ARNT: variants seen among roughly 807,000 people sequenced by gnomAD.
ARNT encodes aryl hydrocarbon receptor nuclear translocator.
Under a neutral mutation model 105.0 loss-of-function variants are expected in ARNT, and 30 were observed. That is an observed-to-expected ratio of 0.29 (90% CI 0.21 to 0.39). The LOEUF (loss-of-function observed/expected upper bound fraction) is 0.39. ARNT is among the 10% of genes least tolerant of loss of function. The pLI is 1.00. For missense variants in ARNT, 748 were observed against 978.7 expected (o/e 0.76, Z 3.15); for synonymous variants, 304 against 344.0 (o/e 0.88, Z 1.29).
At chr1:150,863,047 T>G (rs2102364157) in intron 1 of ARNT, among the ~76,000 whole-genome samples, 1 of 127,640 alleles carries the variant, frequency 7.8e-6, no homozygotes, top group Non-Finnish European at 1.6e-5. Flanking sequence ...CAAGATTCCG[T>G]CTCAAAAAAA....
At chr1:150,832,990 C>A (rs1438876544) in intron 8 of ARNT, among the ~76,000 whole-genome samples, 1 of 152,210 alleles carries the variant, frequency 6.6e-6, no homozygotes, top group African/African-American at 2.4e-5. Context: ...TAATATGTGT[C>A]ATGCTCTGTT....
chr1:150,852,326 A>G (rs1218748626), intron 3 of ARNT, among the ~76,000 whole-genome samples: 2 of 152,168 alleles, frequency 1.3e-5, no homozygotes, highest in Non-Finnish European at 2.9e-5. Context: ...CCATCACCAC[A>G]TGAAAAAATT....
intron 1 of ARNT, among the ~76,000 whole-genome samples, chr1:150,867,204 TAAA>T (rs1328301944): frequency 7.8e-6 from 1 of 127,924 alleles, no homozygotes. Flanking sequence ...ACTCTGTCTT[TAAA>T]AAAAACAACA....
chr1:150,817,029 A>G, intron 17 of ARNT, 53 bp downstream of exon 17: 1 of 1,612,134 alleles, frequency 6.2e-7, no homozygotes, highest in Non-Finnish European at 8.5e-7. Flanking sequence ...TGGCATGCCC[A>G]TCAGTAAGTG....
intron 10 of ARNT, chr1:150,831,586 T>C (rs1213511643): frequency 8.4e-6 from 4 of 475,916 alleles, no homozygotes; most frequent in Middle Eastern, 5.2e-4. Context: ...AAAACCACAT[T>C]CTGTGACACA....
chr1:150,834,443 C>T, intron 8 of ARNT, 95 bp downstream of exon 8: 4 of 1,192,538 alleles, frequency 3.4e-6, no homozygotes, highest in Non-Finnish European at 4.9e-6. Flanking sequence ...TAAATTTAAT[C>T]CACTGGAGCT....
intron 5 of ARNT, among the ~76,000 whole-genome samples, chr1:150,841,105 C>G (rs587597713): frequency 2.0e-5 from 3 of 150,486 alleles, no homozygotes; most frequent in East Asian, 1.9e-4. Flanking sequence ...CACACCACCA[C>G]GCCCAGTTTT....
intron 16 of ARNT, 58 bp downstream of exon 16, chr1:150,817,303 G>A: frequency 3.1e-6 from 5 of 1,611,554 alleles, no homozygotes; most frequent in Non-Finnish European, 4.2e-6. Context: ...ACTAGTACCG[G>A]AGAACACTTC....
At chr1:150,851,182 T>A (rs1571398138) in intron 3 of ARNT, among the ~76,000 whole-genome samples, 1 of 141,476 alleles carries the variant, frequency 7.1e-6, no homozygotes, top group Admixed American at 6.9e-5. Context: ...AGCCACCCCG[T>A]CCAGGAGAGA....
intron 13 of ARNT, among the ~76,000 whole-genome samples, chr1:150,823,911 C>T (rs1232505026): frequency 2.7e-5 from 4 of 150,502 alleles, no homozygotes; most frequent in African/African-American, 2.4e-5. Flanking sequence ...GGCGCAATCT[C>T]GGCTCACTAC....
At chr1:150,839,373 A>G (rs1660867114) in intron 6 of ARNT, 68 bp downstream of exon 6, 3 of 1,566,262 alleles carry the variant, frequency 1.9e-6, no homozygotes, top group Non-Finnish European at 2.6e-6. Context: ...ATTCTTGTCC[A>G]AAAAACGAAA....
intron 2 of ARNT, chr1:150,853,085 A>C (rs1663930747): frequency 2.5e-6 from 1 of 394,858 alleles, no homozygotes; most frequent in Admixed American, 4.0e-5. Context: ...GTTCGAGATC[A>C]GCCTGGCCAA....
At chr1:150,874,543 G>T (rs757425930) in intron 1 of ARNT, among the ~76,000 whole-genome samples, 2 of 151,972 alleles carry the variant, frequency 1.3e-5, no homozygotes, top group Non-Finnish European at 2.9e-5. Context: ...AAAATTAACC[G>T]CGCATGGTGG....
At chr1:150,850,255 A>ATCTCCCTCTCCCCACGG (rs1342558553) in intron 3 of ARNT, among the ~76,000 whole-genome samples, 4 of 151,104 alleles carry the variant, frequency 2.6e-5, no homozygotes, top group African/African-American at 4.9e-5. Flanking sequence ...CTCCCTCTCC[A>ATCTCCCTCTCCCCACGG]TCTCCCTCTC....
intron 14 of ARNT, among the ~76,000 whole-genome samples, chr1:150,820,872 C>A (rs1036150052): frequency 6.6e-6 from 1 of 152,170 alleles, no homozygotes; most frequent in African/African-American, 2.4e-5. Context: ...TGAAATACAA[C>A]TGATTGCTCA....
chr1:150,856,996 T>C (rs906464064), intron 2 of ARNT, among the ~76,000 whole-genome samples: 1 of 150,956 alleles, frequency 6.6e-6, no homozygotes, highest in Non-Finnish European at 1.5e-5. Context: ...CTTTAATATA[T>C]TTTTCTGATT....
intron 5 of ARNT, among the ~76,000 whole-genome samples, chr1:150,840,151 G>C (rs1230015792): frequency 6.6e-6 from 1 of 151,984 alleles, no homozygotes; most frequent in Non-Finnish European, 1.5e-5. Context: ...TGAGACAGGA[G>C]AATCACTTGA....
chr1:150,868,628 G>A (rs587705013), intron 1 of ARNT, among the ~76,000 whole-genome samples: 14 of 150,988 alleles, frequency 9.3e-5, no homozygotes, highest in South Asian at 4.2e-4. Flanking sequence ...CAGGCCGGGC[G>A]CGGTGGCTCA....
chr1:150,849,924 G>C (rs749717280), intron 3 of ARNT, among the ~76,000 whole-genome samples: 16 of 151,814 alleles, frequency 1.1e-4, no homozygotes, highest in African/African-American at 3.9e-4. Context: ...AATTAGCCAG[G>C]TGTGGTAGTC....
Sources: gnomAD v4.1 joint callset for allele counts (sites outside exome capture counted in the v4.1 genomes callset) on GRCh38, gnomAD v4.1.1 for gene constraint, MANE v1.5 for transcripts, NCBI Gene and HGNC (gene_info 2026-07-23, HGNC 2026-07-21) for gene names.